The following MBNL2 variants were observed in gnomAD, a reference collection of about 807,000 sequenced individuals.
MBNL2 encodes muscleblind-like protein 2.
Under a neutral mutation model 41.9 loss-of-function variants are expected in MBNL2, and 17 were observed. The ratio of observed to expected loss-of-function variants is 0.41; its 90% CI spans 0.28 to 0.61. The LOEUF (loss-of-function observed/expected upper bound fraction) is 0.61. Ranked by LOEUF, MBNL2 falls within the 20% of genes least tolerant of loss-of-function variation. The probability of loss-of-function intolerance (pLI) is 0.35; values close to 1 mark genes in which losing one functional copy is unlikely to be tolerated. For synonymous variants in MBNL2, 195 were observed against 182.9 expected (o/e 1.07, Z -0.53); for missense variants, 336 against 505.6 (o/e 0.66, Z 3.22).
At chr13:97,171,889 G>GA in the MBNL2 span, among the ~76,000 whole-genome samples, 1 of 152,014 alleles carries the variant, frequency 6.6e-6, no homozygotes, top group African/African-American at 2.4e-5. Flanking sequence ...TTTAATAAGG[G>GA]GAAACTCTTT....
intron 8 of MBNL2, among the ~76,000 whole-genome samples, chr13:97,379,154 A>G (rs1328355658): frequency 6.6e-6 from 1 of 152,250 alleles, no homozygotes; most frequent in African/African-American, 2.4e-5. Flanking sequence ...CTAGTTGAGA[A>G]GAAAGTTTAG....
the MBNL2 span, among the ~76,000 whole-genome samples, chr13:97,209,911 G>A: frequency 7.9e-5 from 12 of 152,150 alleles, no homozygotes; most frequent in East Asian, 5.8e-4. Context: ...TTCTCATGCC[G>A]CAGCCTCCCA....
At chr13:97,382,507 C>T (rs1441261716) in intron 8 of MBNL2, among the ~76,000 whole-genome samples, 5 of 152,090 alleles carry the variant, frequency 3.3e-5, no homozygotes, top group South Asian at 2.1e-4. Context: ...GAATGTCATC[C>T]GGGGAAAGCC....
chr13:97,307,868 G>T (rs954293553), intron 2 of MBNL2, among the ~76,000 whole-genome samples: 2 of 152,142 alleles, frequency 1.3e-5, no homozygotes, highest in African/African-American at 4.8e-5. Context: ...CGTATTTTCT[G>T]CTCCCTCTTC....
intron 1 of MBNL2, among the ~76,000 whole-genome samples, chr13:97,242,030 C>G (rs1207109087): frequency 6.6e-6 from 1 of 152,066 alleles, no homozygotes; most frequent in Non-Finnish European, 1.5e-5. Flanking sequence ...ACTTCCGATG[C>G]CTTCTGAAGC....
chr13:97,244,101 G>A (rs2044926729), intron 1 of MBNL2, among the ~76,000 whole-genome samples: 1 of 152,134 alleles, frequency 6.6e-6, no homozygotes, highest in South Asian at 2.1e-4. Flanking sequence ...AACGAATAAT[G>A]GTGGTTTCAA....
In MBNL2 at chr13:97,334,386, A is replaced by G; in HGVS notation, c.285A>G (p.Ala95=). Residue 95 remains alanine, a synonymous_variant, in exon 3 of 9, where the codon GCA becomes GCG. Transcript: ENST00000679496. The surrounding 1 kb of genome is among the most constrained non-coding windows in gnomAD (Gnocchi z 5.3). The part of the protein sequence containing the change: ...NNLIQQKTAA[A]MLAQQMQFMF... The stretch of plus-strand genomic sequence containing the variant: ...TGATTCAGCAAAAAACTGCAGCAGC[A>G]ATGCTTGCCCAGCAGATGCAATTTA... The G allele has an allele frequency of 1.2e-6, 2 of 1,613,866 alleles. No homozygotes were observed. Among genetic ancestry groups the G allele is most frequent in the Non-Finnish European group, 1.7e-6 (2 of 1,179,828 alleles).
the MBNL2 span, among the ~76,000 whole-genome samples, chr13:97,211,512 T>C: frequency 6.6e-6 from 1 of 152,244 alleles, no homozygotes. Context: ...GTATGGTTAT[T>C]TCTTCCTTTT....
intron 2 of MBNL2, among the ~76,000 whole-genome samples, chr13:97,295,781 A>G (rs1173570279): frequency 6.6e-6 from 1 of 152,140 alleles, no homozygotes; most frequent in Non-Finnish European, 1.5e-5. Flanking sequence ...TCTTGGAGTG[A>G]TGGTACAAGT....
the MBNL2 span, among the ~76,000 whole-genome samples, chr13:97,175,199 C>T: frequency 2.0e-5 from 3 of 152,126 alleles, no homozygotes; most frequent in East Asian, 3.9e-4. Context: ...ACACTGCAAT[C>T]GTGGGCTCTT....
At chr13:97,199,874 AG>A in the MBNL2 span, among the ~76,000 whole-genome samples, 3 of 152,240 alleles carry the variant, frequency 2.0e-5, no homozygotes, top group South Asian at 6.2e-4. Flanking sequence ...ATAAAACCTA[AG>A]GGACTCATTG....
At chr13:97,281,480 C>T (rs2152943439) in intron 2 of MBNL2, among the ~76,000 whole-genome samples, 1 of 152,186 alleles carries the variant, frequency 6.6e-6, no homozygotes, top group African/African-American at 2.4e-5. Flanking sequence ...TTTTTTTCTA[C>T]CCTCCTTGTC....
chr13:97,374,390 G>A (rs914738737), intron 8 of MBNL2, among the ~76,000 whole-genome samples: 12 of 150,146 alleles, frequency 8.0e-5, no homozygotes, highest in African/African-American at 2.5e-4. Flanking sequence ...CTCGTGATCC[G>A]CCCGCCTCAG....
intron 8 of MBNL2, among the ~76,000 whole-genome samples, chr13:97,373,687 A>G (rs1016921434): frequency 6.6e-6 from 1 of 151,672 alleles, no homozygotes; most frequent in African/African-American, 2.4e-5. Context: ...ATCTATGAGA[A>G]CAATATAGAT....
At chr13:97,178,722 CCT>C in the MBNL2 span, among the ~76,000 whole-genome samples, 1 of 151,978 alleles carries the variant, frequency 6.6e-6, no homozygotes, top group Non-Finnish European at 1.5e-5. Flanking sequence ...ATGGTGAGAC[CCT>C]GTCTCTACAT....
At chr13:97,357,757 C>A in intron 7 of MBNL2, 122 bp downstream of exon 7, 1 of 953,812 alleles carries the variant, frequency 1.0e-6, no homozygotes, top group Non-Finnish European at 1.7e-6. Flanking sequence ...TGAAATTCAT[C>A]GTTGTCCTAG....
chr13:97,296,932 T>G (rs1488597859), intron 2 of MBNL2, among the ~76,000 whole-genome samples: 1 of 152,164 alleles, frequency 6.6e-6, no homozygotes, highest in Non-Finnish European at 1.5e-5. Context: ...GATGTGGATT[T>G]TAGAGGACAA....
rs150373151 is a variant in MBNL2 at position 97,311,502 on chromosome 13, A to G, written c.175-22774A>G. 3.2e-3 allele frequency among the ~76,000 whole-genome samples: 486 copies of G among 152,330 alleles called. 4 individuals are homozygous for G. Among genetic ancestry groups the G allele is most frequent in the African/African-American group, 0.011 (465 of 41,578 alleles). ...TTTAAGCAAACAAGCCAGCTCACAC[A>G]CTTAAGCTTTTCATTCTAGCTATGC... On this transcript the variant is annotated intron_variant, in intron 2 of 8. Transcript: ENST00000679496.
chr13:97,177,358 TAAGAG>T, the MBNL2 span, among the ~76,000 whole-genome samples: 1 of 151,974 alleles, frequency 6.6e-6, no homozygotes, highest in African/African-American at 2.4e-5. Flanking sequence ...AAAAGAGAAA[TAAGAG>T]AAGCTTTTGC....
Sources: gnomAD v4.1 joint callset for allele counts (sites outside exome capture counted in the v4.1 genomes callset) on GRCh38, gnomAD v4.1.1 for gene constraint, Gnocchi (gnomAD v3.1) non-coding constraint, MANE v1.5 for transcripts, NCBI Gene and HGNC (gene_info 2026-07-23, HGNC 2026-07-21) for gene names.